Variants in GPATCH2 observed in about 807,000 individuals in gnomAD.
GPATCH2 encodes the protein G-patch domain containing 2.
In GPATCH2, 51 loss-of-function variants were observed where a neutral mutation model predicts 58.0. The ratio of observed to expected loss-of-function variants is 0.88; its 90% CI spans 0.70 to 1.11. GPATCH2 has a LOEUF of 1.11. GPATCH2 is among the 50% of genes most tolerant of loss of function. The pLI, the probability that GPATCH2 is intolerant of heterozygous loss-of-function variation, is 0.00. For missense variants in GPATCH2, 625 were observed against 652.2 expected (o/e 0.96, Z 0.45); for synonymous variants, 222 against 218.5 (o/e 1.02, Z -0.14).
rs577688643 is a variant in GPATCH2, at chr1:217,498,292, A to G, written c.1206+64T>C. On this transcript the variant is annotated intron_variant, in intron 7 of 9. Transcript: ENST00000366935. ...TCATAAAGCTGATCTACTCTCCTGA[A>G]GGGAGACAGTTAAATACTTGAAAGA... The G allele has an allele frequency of 1.3e-5, 15 of 1,191,748 alleles. No individual in the cohort carries two copies. The South Asian group carries it at 1.6e-4, about 12-fold the overall frequency. 73.8% of individuals were successfully genotyped at this position (1,191,748 alleles called of 1,614,324 possible). A position where few individuals can be genotyped will look rare whatever the true frequency, so the allele number is the denominator to read the frequency against.
chr1:217,626,740 G>A (rs1050309432), intron 1 of GPATCH2, among the ~76,000 whole-genome samples: 3 of 152,036 alleles, frequency 2.0e-5, no homozygotes, highest in Non-Finnish European at 4.4e-5. Context: ...ATATATGTGA[G>A]GGAGTGGGCA....
intron 5 of GPATCH2, among the ~76,000 whole-genome samples, chr1:217,606,415 A>T (rs1668362855): frequency 6.6e-6 from 1 of 152,098 alleles, no homozygotes; most frequent in Admixed American, 6.5e-5. Flanking sequence ...ACATAAAAGA[A>T]TGCCATATAA....
At chr1:217,500,401 C>G (rs897646517) in intron 6 of GPATCH2, among the ~76,000 whole-genome samples, 1 of 151,948 alleles carries the variant, frequency 6.6e-6, no homozygotes, top group Non-Finnish European at 1.5e-5. Flanking sequence ...TGGGTGTTCA[C>G]ATCATTTCTC....
chr1:217,433,666 G>T (rs1034833901), intron 9 of GPATCH2, among the ~76,000 whole-genome samples: 1 of 152,244 alleles, frequency 6.6e-6, no homozygotes, highest in South Asian at 2.1e-4. Context: ...AAAGTTCTGG[G>T]ATTACAGGCG....
chr1:217,441,232 C>T (rs1254177706), intron 9 of GPATCH2, among the ~76,000 whole-genome samples: 1 of 152,016 alleles, frequency 6.6e-6, no homozygotes, highest in Non-Finnish European at 1.5e-5. Context: ...CTTTGACAAA[C>T]CTGAGAAAAA....
chr1:217,577,916 T>G (rs1383838391), intron 5 of GPATCH2, among the ~76,000 whole-genome samples: 1 of 151,402 alleles, frequency 6.6e-6, no homozygotes, highest in Non-Finnish European at 1.5e-5. Flanking sequence ...CCTGGCTAAT[T>G]TTGTATTTTT....
chr1:217,561,746 T>G (rs1665935394), intron 5 of GPATCH2, among the ~76,000 whole-genome samples: 1 of 152,164 alleles, frequency 6.6e-6, no homozygotes, highest in Non-Finnish European at 1.5e-5. Context: ...TCACCACTGT[T>G]TTCATCCCTT....
In GPATCH2 at chr1:217,620,062, T is replaced by C. The variant is rs1375480693; in HGVS notation, c.494A>G (p.Lys165Arg). ...CTGTGGGAGATCTACTGCCATGCGT[T>C]TTACCTTTCTCCTCCTGCGCAGAGT... ...NRTLRRRRKV[K>R]RMAVDLPQDI... The change falls in exon 2 of 10, where the codon AAA becomes AGA. Residue 165 changes from lysine to arginine, a missense_variant. By Grantham distance (26) the Lys-to-Arg change is conservative (BLOSUM62 2). Transcript: ENST00000366935. The C allele has an allele frequency of 6.2e-7, 1 of 1,614,014 alleles. No homozygotes were observed. The highest frequency in any genetic ancestry group is 8.5e-7 in the Non-Finnish European group (1 of 1,180,026).
intron 5 of GPATCH2, among the ~76,000 whole-genome samples, chr1:217,585,625 T>C (rs1470191948): frequency 6.6e-6 from 1 of 151,890 alleles, no homozygotes; most frequent in Non-Finnish European, 1.5e-5. Context: ...TCTCAAAAAA[T>C]AATAACAATA....
At chr1:217,445,408 C>G (rs185949672) in intron 9 of GPATCH2, among the ~76,000 whole-genome samples, 1 of 152,236 alleles carries the variant, frequency 6.6e-6, no homozygotes, top group East Asian at 1.9e-4. Flanking sequence ...ACATGGACCA[C>G]AACCAACATT....
chr1:217,611,008 C>T lies in GPATCH2; in HGVS notation c.899G>A (p.Gly300Glu). Residue 300 changes from glycine (G) to glutamate (E), a missense_variant, in exon 4 of 10, where the codon GGA becomes GAA. Gly to Glu is a moderately conservative substitution (Grantham distance 98). Coordinates refer to ENST00000366935, the MANE Select transcript of GPATCH2 (RefSeq NM_018040.5). The part of the protein sequence containing the change: ...KESGGACGIT[G>E]VVPWWEKEDP... ...TTCCTTTTCCCACCAGGGCACAACT[C>T]CAGTGATACCACATGCTCCACCTGA... 1 of 1,613,428 alleles carries T rather than the reference C, an allele frequency of 6.2e-7. No homozygotes were observed. The highest frequency in any genetic ancestry group is 8.5e-7 in the Non-Finnish European group (1 of 1,179,622).
intron 5 of GPATCH2, among the ~76,000 whole-genome samples, chr1:217,580,263 T>C (rs1032175937): frequency 3.3e-5 from 5 of 152,138 alleles, no homozygotes; most frequent in African/African-American, 1.2e-4. Flanking sequence ...GGTAGTGTCC[T>C]CACTCCCCGA....
At chr1:217,596,442 T>G (rs1292620534) in intron 5 of GPATCH2, among the ~76,000 whole-genome samples, 1 of 152,188 alleles carries the variant, frequency 6.6e-6, no homozygotes, top group Non-Finnish European at 1.5e-5. Flanking sequence ...GTCCCTCAGT[T>G]TCCTGGTCTA....
chr1:217,513,264 C>T (rs1413997942), intron 6 of GPATCH2, among the ~76,000 whole-genome samples: 1 of 152,042 alleles, frequency 6.6e-6, no homozygotes, highest in African/African-American at 2.4e-5. Context: ...GCACTCCAGC[C>T]TGGGTGACAA....
At chr1:217,533,940 G>A (rs1458178979) in intron 5 of GPATCH2, among the ~76,000 whole-genome samples, 1 of 152,144 alleles carries the variant, frequency 6.6e-6, no homozygotes, top group Non-Finnish European at 1.5e-5. Flanking sequence ...TTACAGCCAG[G>A]CATGGTGGCT....
At chr1:217,524,534 A>G (rs1446796951) in intron 5 of GPATCH2, among the ~76,000 whole-genome samples, 1 of 151,744 alleles carries the variant, frequency 6.6e-6, no homozygotes, top group South Asian at 2.1e-4. Flanking sequence ...TGTTGTAGCG[A>G]GCTGAGATCA....
At chr1:217,564,160 CT>C (rs1200266348) in intron 5 of GPATCH2, among the ~76,000 whole-genome samples, 2 of 149,162 alleles carry the variant, frequency 1.3e-5, no homozygotes, top group African/African-American at 4.9e-5. Context: ...CAAAAAGTTT[CT>C]TTAATATCTT....
chr1:217,526,169 A>C (rs1205229897), intron 5 of GPATCH2, among the ~76,000 whole-genome samples: 1 of 152,204 alleles, frequency 6.6e-6, no homozygotes, highest in African/African-American at 2.4e-5. Context: ...GTTTCTAAGA[A>C]TCTCAAGGAC....
intron 5 of GPATCH2, among the ~76,000 whole-genome samples, chr1:217,561,859 A>G (rs563944950): frequency 1.8e-4 from 28 of 152,312 alleles, no homozygotes; most frequent in Admixed American, 3.3e-4. Flanking sequence ...AACGGACCCA[A>G]AGGATCTCTA....
Sources: allele counts gnomAD v4.1 joint callset (sites outside exome capture counted in the v4.1 genomes callset), GRCh38; gene constraint gnomAD v4.1.1; transcripts MANE v1.5; gene names NCBI Gene and HGNC (gene_info 2026-07-23, HGNC 2026-07-21).